The following NR1H4 variants were observed in gnomAD, a reference collection of about 807,000 sequenced individuals.
NR1H4 encodes the protein nuclear receptor subfamily 1 group H member 4.
NR1H4 carries 23 observed loss-of-function variants against 58.5 expected under a neutral mutation model. The observed-to-expected ratio is 0.39, with a 90% confidence interval of 0.28 to 0.56. The LOEUF (loss-of-function observed/expected upper bound fraction) is 0.56. NR1H4 is among the 20% of genes least tolerant of loss of function. The pLI is 0.58. For synonymous variants in NR1H4, 214 were observed against 198.0 expected, an observed-to-expected ratio of 1.08 and a Z score of -0.68; for missense variants, 487 against 576.9, an observed-to-expected ratio of 0.84 and a Z score of 1.60.
At chr12:100,563,193 C>A in intron 10 of NR1H4, 58 bp from the exon 11 acceptor site, 1 of 1,309,134 alleles carries the variant, frequency 7.6e-7, no homozygotes, top group Non-Finnish European at 1.1e-6. Context: ...TATAATTATG[C>A]TGAATTAATG....
rs373472692 is a variant in NR1H4, at chr12:100,503,383, T to A, written c.80-7395T>A. On this transcript the variant is annotated intron_variant, in intron 3 of 10. Coordinates refer to ENST00000392986, the MANE Select transcript of NR1H4 (RefSeq NM_001206979.2). ...TCATTTTCAGTGGCTGTGAATAAGC[T>A]AAGAATGGTAATGCAGTTTCAGGGG... 82 of 1,596,224 alleles carry A rather than the reference T, an allele frequency of 5.1e-5. No individual in the cohort carries two copies. In the African/African-American group the frequency reaches 1.0e-3, roughly 20 times the overall value.
At chr12:100,562,511 A>G (rs1955499194) in intron 10 of NR1H4, among the ~76,000 whole-genome samples, 1 of 152,304 alleles carries the variant, frequency 6.6e-6, no homozygotes, top group South Asian at 2.1e-4. Flanking sequence ...TTCTGAGTTT[A>G]TATTTCTTCT....
At chr12:100,486,564 T>C (rs1281167097) in intron 1 of NR1H4, among the ~76,000 whole-genome samples, 1 of 152,214 alleles carries the variant, frequency 6.6e-6, no homozygotes, top group Non-Finnish European at 1.5e-5. Flanking sequence ...TCCCTAAATA[T>C]CTACGTTTGG....
At chr12:100,510,151 C>A (rs559368488) in intron 3 of NR1H4, among the ~76,000 whole-genome samples, 1 of 152,132 alleles carries the variant, frequency 6.6e-6, no homozygotes, top group Non-Finnish European at 1.5e-5. Flanking sequence ...ATGGCTCTTG[C>A]GAATGTGCTG....
At chr12:100,488,765 C>T (rs1400873991) in intron 1 of NR1H4, among the ~76,000 whole-genome samples, 2 of 151,958 alleles carry the variant, frequency 1.3e-5, no homozygotes, top group African/African-American at 2.4e-5. Context: ...TAGATTTAAT[C>T]GAATTATTTA....
At chr12:100,484,905 GC>G (rs1953458463) in intron 1 of NR1H4, among the ~76,000 whole-genome samples, 1 of 152,202 alleles carries the variant, frequency 6.6e-6, no homozygotes, top group African/African-American at 2.4e-5. Context: ...TGTAGCAAGG[GC>G]AAGGATGTGT....
intron 9 of NR1H4, among the ~76,000 whole-genome samples, chr12:100,554,591 TA>T: frequency 6.6e-6 from 1 of 152,292 alleles, no homozygotes; most frequent in Middle Eastern, 3.4e-3. Context: ...GACCTCTTTT[TA>T]AAAAAGGGAA....
In NR1H4 at chr12:100,514,718, G is replaced by A. The variant is rs1303681251; in HGVS notation, c.445+3575G>A. 3.9e-5 allele frequency among the ~76,000 whole-genome samples: 6 copies of A among 152,146 alleles called. No individual in the cohort carries two copies. The East Asian group carries it at 1.2e-3, about 29-fold the overall frequency. On this transcript the variant is annotated intron_variant, in intron 4 of 10. Coordinates refer to ENST00000392986, the MANE Select transcript of NR1H4 (RefSeq NM_001206979.2). ...TACACCTGGAGATTTCTTGAGGGAA[G>A]CTATAATATTTCTTGGGTGCCTCTA... is the stretch of plus-strand genomic sequence containing the variant.
At chr12:100,501,164 G>A (rs1415157915) in intron 3 of NR1H4, among the ~76,000 whole-genome samples, 3 of 151,520 alleles carry the variant, frequency 2.0e-5, no homozygotes, top group East Asian at 3.9e-4. Flanking sequence ...GAGGGCAACC[G>A]ACAGGTCCAT....
At chr12:100,562,032 A>C (rs1955487100) in intron 10 of NR1H4, 34 bp downstream of exon 10, 1 of 1,061,776 alleles carries the variant, frequency 9.4e-7, no homozygotes, top group Non-Finnish European at 1.5e-6. Flanking sequence ...TTTTTATGCC[A>C]TTTTTTTCAG....
chr12:100,504,851 C>A (rs1176305097), intron 3 of NR1H4, among the ~76,000 whole-genome samples: 1 of 152,108 alleles, frequency 6.6e-6, no homozygotes, highest in African/African-American at 2.4e-5. Context: ...AGCCTGTAAA[C>A]AAAAGAAATG....
Position 100,510,909 on chromosome 12 carries a change from G to T in NR1H4, c.211G>T (p.Gly71Cys). 6.2e-7 allele frequency: 1 copy of T among 1,614,122 alleles called. No individual in the cohort carries two copies. The highest frequency in any genetic ancestry group is 8.5e-7 in the Non-Finnish European group (1 of 1,180,036). Residue 71 changes from glycine (G) to cysteine (C), a missense_variant, in exon 4 of 11, where the codon GGT becomes TGT. Physicochemically the swap from Gly to Cys is radical, Grantham distance 159. Transcript: ENST00000392986. ...ISSSSYYSNL[G>C]FYPQQPEEWY... ...CTCGTCATCCTATTATTCCAACCTG[G>T]GTTTCTACCCCCAGCAGCCTGAAGA...
intron 1 of NR1H4, among the ~76,000 whole-genome samples, chr12:100,487,452 C>A (rs1277931158): frequency 6.6e-6 from 1 of 152,084 alleles, no homozygotes; most frequent in Non-Finnish European, 1.5e-5. Context: ...GAGGGGGCAG[C>A]TGGCTAATCT....
chr12:100,560,628 C>T (rs1017315955), intron 9 of NR1H4, among the ~76,000 whole-genome samples: 4 of 152,174 alleles, frequency 2.6e-5, no homozygotes, highest in Admixed American at 2.6e-4. Flanking sequence ...ACCTTAAGAG[C>T]TGTAACACCG....
chr12:100,556,476 A>AC (rs1955329215), intron 9 of NR1H4, among the ~76,000 whole-genome samples: 1 of 151,668 alleles, frequency 6.6e-6, no homozygotes, highest in Non-Finnish European at 1.5e-5. Context: ...TCAAAGAAAA[A>AC]AAAAACAAAA....
At chr12:100,496,567 A>G (rs1438904609) in intron 3 of NR1H4, among the ~76,000 whole-genome samples, 1 of 152,194 alleles carries the variant, frequency 6.6e-6, no homozygotes, top group Non-Finnish European at 1.5e-5. Flanking sequence ...ACTCAAGTTC[A>G]GTTGGTAAAA....
chr12:100,491,839 C>T (rs1280941791), intron 1 of NR1H4, among the ~76,000 whole-genome samples: 2 of 152,006 alleles, frequency 1.3e-5, no homozygotes, highest in Non-Finnish European at 2.9e-5. Context: ...ATGCAGATTG[C>T]TCTAGTATCG....
chr12:100,548,403 C>G (rs1410502342), intron 9 of NR1H4, among the ~76,000 whole-genome samples: 2 of 151,564 alleles, frequency 1.3e-5, no homozygotes, highest in Non-Finnish European at 2.9e-5. Context: ...CTCTGATGAT[C>G]AGTTGTAGGG....
chr12:100,508,119 C>A (rs919693261), intron 3 of NR1H4, among the ~76,000 whole-genome samples: 1 of 151,812 alleles, frequency 6.6e-6, no homozygotes, highest in Non-Finnish European at 1.5e-5. Flanking sequence ...GACCTAGAAA[C>A]CTCTTCTGTT....
Sources: allele counts gnomAD v4.1 joint callset (sites outside exome capture counted in the v4.1 genomes callset), GRCh38; gene constraint gnomAD v4.1.1; transcripts MANE v1.5; gene names NCBI Gene and HGNC (gene_info 2026-07-23, HGNC 2026-07-21).